The following RBFOX1 variants were observed in gnomAD, a reference collection of about 807,000 sequenced individuals.
The protein encoded by RBFOX1 is RNA binding fox-1 homolog 1, also known as RNA binding protein fox-1 homolog 1.
RBFOX1 carries 8 observed loss-of-function variants against 57.7 expected under a neutral mutation model. The observed-to-expected ratio is 0.14, with a 90% CI of 0.08 to 0.25. RBFOX1 has a LOEUF of 0.25. Ranked by LOEUF, RBFOX1 falls within the 10% of genes least tolerant of loss-of-function variation. The pLI is 1.00. For synonymous variants in RBFOX1, 326 were observed against 222.4 expected, an observed-to-expected ratio of 1.47 and a Z score of -4.15; for missense variants, 611 against 548.5, an observed-to-expected ratio of 1.11 and a Z score of -1.14.
intron 4 of RBFOX1, among the ~76,000 whole-genome samples, chr16:5,996,179 A>G (rs1443612645): frequency 6.6e-6 from 1 of 152,102 alleles, no homozygotes; most frequent in East Asian, 1.9e-4. Context: ...AAACATTCAG[A>G]CCATAACAGA....
At chr16:6,774,398 G>T (rs1354959191) in intron 3 of RBFOX1, among the ~76,000 whole-genome samples, 2 of 152,134 alleles carry the variant, frequency 1.3e-5, no homozygotes, top group Non-Finnish European at 2.9e-5. Flanking sequence ...TTGTGGTTAT[G>T]ATCACAATTT....
At chr16:7,206,237 T>C (rs1162885875) in intron 4 of RBFOX1, among the ~76,000 whole-genome samples, 3 of 152,142 alleles carry the variant, frequency 2.0e-5, no homozygotes, top group African/African-American at 7.2e-5. Flanking sequence ...TACCAGACAG[T>C]AACATCTTAG....
At chr16:6,390,950 G>A (rs1233511104) in intron 2 of RBFOX1, among the ~76,000 whole-genome samples, 1 of 152,138 alleles carries the variant, frequency 6.6e-6, no homozygotes, top group African/African-American at 2.4e-5. Context: ...ACTGACATTC[G>A]AAGCTGGAGA....
intron 2 of RBFOX1, among the ~76,000 whole-genome samples, chr16:6,562,437 C>G (rs917598232): frequency 9.2e-5 from 14 of 152,308 alleles, no homozygotes; most frequent in Admixed American, 3.3e-4. Flanking sequence ...CAACTTTTGT[C>G]TATGATCACT....
At chr16:5,360,051 G>A (rs914672286) in intron 1 of RBFOX1, among the ~76,000 whole-genome samples, 1 of 152,214 alleles carries the variant, frequency 6.6e-6, no homozygotes, top group African/African-American at 2.4e-5. Context: ...CTTGTTCAGA[G>A]AACCCTGCAA....
chr16:5,833,758 T>A (rs1464048099), intron 3 of RBFOX1, among the ~76,000 whole-genome samples: 1 of 152,138 alleles, frequency 6.6e-6, no homozygotes, highest in Non-Finnish European at 1.5e-5. Context: ...CACATTTATT[T>A]TGTTTCCCTT....
chr16:5,827,147 A>G, intron 3 of RBFOX1, among the ~76,000 whole-genome samples: 1 of 152,166 alleles, frequency 6.6e-6, no homozygotes, highest in East Asian at 1.9e-4. Context: ...CATGCCTGTA[A>G]TCCCAGCACT....
chr16:7,180,636 G>C (rs1393024425), intron 4 of RBFOX1, among the ~76,000 whole-genome samples: 1 of 151,314 alleles, frequency 6.6e-6, no homozygotes, highest in Non-Finnish European at 1.5e-5. Context: ...TGTTAGAAAG[G>C]ATTGCAAAAG....
chr16:7,029,046 C>CTATATATATATATA (rs1225538161), intron 3 of RBFOX1, among the ~76,000 whole-genome samples: 12 of 45,204 alleles, frequency 2.7e-4, no homozygotes, highest in African/African-American at 5.8e-4. Flanking sequence ...AAAAAAAAAG[C>CTATATATATATATA]TATATATATA....
At chr16:7,514,635 A>C (rs2075950981) in intron 4 of RBFOX1, among the ~76,000 whole-genome samples, 1 of 152,066 alleles carries the variant, frequency 6.6e-6, no homozygotes, top group South Asian at 2.1e-4. Context: ...CTGAAGGAAG[A>C]GTAAGGACTA....
chr16:6,198,735 C>A lies in RBFOX1; in HGVS notation c.-126-118260C>A, dbSNP rs1021999559. 4.6e-5 allele frequency among the ~76,000 whole-genome samples: 7 copies of A among 151,944 alleles called. No homozygotes were observed. The South Asian group carries it at 1.5e-3, about 32-fold the overall frequency. ...AATTATTTTTGGAACTAAAGTGTAC[C>A]CTTGCTGAAATATAGAATAATAATG... On this transcript the variant is annotated intron_variant, in intron 1 of 15. Coordinates refer to ENST00000550418, the MANE Select transcript of RBFOX1 (RefSeq NM_018723.4).
At chr16:6,721,530 C>T (rs149049105) in intron 3 of RBFOX1, among the ~76,000 whole-genome samples, 3 of 152,150 alleles carry the variant, frequency 2.0e-5, no homozygotes, top group Non-Finnish European at 4.4e-5. Flanking sequence ...TATAACCAAT[C>T]TGCAGAACTT....
chr16:7,064,415 T>C (rs1483553255), intron 4 of RBFOX1, among the ~76,000 whole-genome samples: 1 of 152,080 alleles, frequency 6.6e-6, no homozygotes, highest in African/African-American at 2.4e-5. Context: ...GTGAGCTGCC[T>C]GCCTCAGCCT....
Position 6,127,538 on chromosome 16 carries a change from C to G in RBFOX1, c.-127+107546C>G, listed in dbSNP as rs373546414. Among the ~76,000 whole-genome samples the G allele has an allele frequency of 5.9e-5, 9 of 152,246 alleles. No homozygotes were observed. The East Asian group carries it at 1.4e-3, about 23-fold the overall frequency. On this transcript the variant is annotated intron_variant, in intron 1 of 15. Transcript: ENST00000550418. ...TTCCGAAAGTGAGAATTAAGTTGAC[C>G]TTGCAGAAATGAATTGCAGGTTAGG...
At chr16:6,844,135 T>TCTC (rs60035715) in intron 3 of RBFOX1, among the ~76,000 whole-genome samples, 11,265 of 151,206 alleles carry the variant, frequency 0.075, 1,275 homozygotes, top group African/African-American at 0.24. Flanking sequence ...CTTTTCTCTC[T>TCTC]CTCCATCATT....
intron 1 of RBFOX1, among the ~76,000 whole-genome samples, chr16:6,110,127 A>T (rs1342652001): frequency 6.6e-6 from 1 of 151,886 alleles, no homozygotes; most frequent in African/African-American, 2.4e-5. Context: ...ATGGATAAGT[A>T]CATCTATTTT....
At chr16:7,558,143 C>T (rs1343219298) in intron 5 of RBFOX1, among the ~76,000 whole-genome samples, 1 of 152,038 alleles carries the variant, frequency 6.6e-6, no homozygotes, top group East Asian at 1.9e-4. Flanking sequence ...CACTGGAACC[C>T]AGGAGTTCAA....
intron 4 of RBFOX1, among the ~76,000 whole-genome samples, chr16:7,377,594 A>G (rs1015432179): frequency 9.2e-5 from 14 of 152,344 alleles, no homozygotes; most frequent in African/African-American, 2.9e-4. Flanking sequence ...TGTCTATGGC[A>G]TTATTCTTTA....
In RBFOX1 at chr16:7,384,961, G is replaced by T. The variant is rs746923013; in HGVS notation, c.28-133186G>T. On this transcript the variant is annotated intron_variant, in intron 4 of 15. Coordinates refer to ENST00000550418, the MANE Select transcript of RBFOX1 (RefSeq NM_018723.4). ...GGAGCTCTAGAAAGGCTCCTATGAA[G>T]AGGTAAGTTGACATTTAAGCTGAGC... 6.1e-4 allele frequency among the ~76,000 whole-genome samples: 93 copies of T among 152,318 alleles called. 1 individual carries two copies. Among genetic ancestry groups the T allele is most frequent in the Non-Finnish European group, 8.4e-4 (57 of 68,028 alleles).
Sources: gnomAD v4.1 joint callset for allele counts (sites outside exome capture counted in the v4.1 genomes callset) on GRCh38, gnomAD v4.1.1 for gene constraint, MANE v1.5 for transcripts, NCBI Gene and HGNC (gene_info 2026-07-23, HGNC 2026-07-21) for gene names.